Variants in GLI3 observed in about 807,000 individuals in gnomAD.
GLI3 encodes the protein GLI family zinc finger 3, also known as transcription activator GLI3.
Under a neutral mutation model 100.8 loss-of-function variants are expected in GLI3, and 20 were observed. That is an observed-to-expected ratio of 0.20 (90% CI 0.14 to 0.29). The LOEUF (loss-of-function observed/expected upper bound fraction) is 0.29. GLI3 is among the 10% of genes least tolerant of loss of function. GLI3 has a pLI of 1.00. For synonymous variants in GLI3, 938 were observed against 860.5 expected (o/e 1.09, Z -1.58); for missense variants, 2,040 against 2,128.5 (o/e 0.96, Z 0.82).
chr7:42,203,440 C>T (rs950557910), intron 2 of GLI3, among the ~76,000 whole-genome samples: 3 of 152,210 alleles, frequency 2.0e-5, no homozygotes, highest in Admixed American at 2.0e-4. Context: ...CTACTCTCTA[C>T]TTCAATTTTA....
In GLI3 at chr7:41,972,650, G is replaced by T. The variant is rs755069360; in HGVS notation, c.1813-23C>A. The T allele has an allele frequency of 1.3e-6, 2 of 1,595,858 alleles. No individual in the cohort carries two copies. Among genetic ancestry groups the T allele is most frequent in the Admixed American group, 1.7e-5 (1 of 59,950 alleles). On this transcript the variant is annotated intron_variant, in intron 12 of 14. Transcript: ENST00000395925. This position sits in a 1 kb window ranked among gnomAD's most constrained non-coding sequence, Gnocchi z 4.4. ...TTTCTGCCAAATCCCACAAGAACGA[G>T]GTAAGAGATTGTTATGAAAGAGACT... is the stretch of plus-strand genomic sequence containing the variant.
chr7:42,097,875 T>C (rs1403772951), intron 3 of GLI3, among the ~76,000 whole-genome samples: 2 of 152,096 alleles, frequency 1.3e-5, no homozygotes, highest in East Asian at 1.9e-4. Flanking sequence ...ATACCAGACA[T>C]ACCAGGGAGG....
chr7:42,113,591 C>T (rs1785771325), intron 3 of GLI3: 1 of 1,047,880 alleles, frequency 9.5e-7, no homozygotes, highest in South Asian at 1.2e-5. Flanking sequence ...AGACCAGGCC[C>T]AGAAAGCTGA....
At chr7:42,236,620 G>T (rs1486940361) in intron 1 of GLI3, among the ~76,000 whole-genome samples, 1 of 152,224 alleles carries the variant, frequency 6.6e-6, no homozygotes, top group Non-Finnish European at 1.5e-5. Context: ...AGCCAGGCGC[G>T]TGCGGGGCTC....
chr7:42,260,984 A>G (rs1398127180), intron 1 of GLI3, among the ~76,000 whole-genome samples: 4 of 152,214 alleles, frequency 2.6e-5, no homozygotes, highest in African/African-American at 9.6e-5. Flanking sequence ...TCTCTGTGTT[A>G]GTCCATTCTT....
chr7:42,131,740 A>C (rs1459272636), intron 3 of GLI3, among the ~76,000 whole-genome samples: 1 of 152,220 alleles, frequency 6.6e-6, no homozygotes, highest in Non-Finnish European at 1.5e-5. Context: ...TTTTGCTATG[A>C]AAAGCTGATG....
intron 3 of GLI3, among the ~76,000 whole-genome samples, chr7:42,092,147 C>G (rs1456002692): frequency 6.6e-6 from 1 of 152,200 alleles, no homozygotes; most frequent in Non-Finnish European, 1.5e-5. Flanking sequence ...CGGCCAAGGA[C>G]CCTGGAGGAT....
chr7:42,172,457 T>A lies in GLI3; in HGVS notation c.125-23989A>T, dbSNP rs540335669. The A allele has an allele frequency of 1.6e-5, 10 of 640,956 alleles. No individual in the cohort carries two copies. The South Asian group carries it at 1.7e-4, about 11-fold the overall frequency. 39.7% of individuals were successfully genotyped at this position (640,956 alleles called of 1,614,324 possible). On this transcript the variant is annotated intron_variant, in intron 2 of 14. Transcript: ENST00000395925. ...GATAGTAAGATGAAAAAGGATAAAC[T>A]TTTTTACACTAAAAAGTGTAAATGA...
chr7:42,066,047 G>A (rs1156623556), intron 4 of GLI3, among the ~76,000 whole-genome samples: 2 of 152,120 alleles, frequency 1.3e-5, no homozygotes, highest in African/African-American at 4.8e-5. Flanking sequence ...GGAATCAAAT[G>A]GACTGGAAGA....
At chr7:42,212,780 T>G (rs1341256702) in intron 2 of GLI3, among the ~76,000 whole-genome samples, 1 of 152,226 alleles carries the variant, frequency 6.6e-6, no homozygotes. Context: ...TGATCCTTGC[T>G]GGCACAGAGA....
intron 3 of GLI3, among the ~76,000 whole-genome samples, chr7:42,147,382 C>T (rs1054246718): frequency 6.6e-6 from 1 of 152,164 alleles, no homozygotes; most frequent in Admixed American, 6.5e-5. Context: ...CTCACTGGAG[C>T]TCAATGGATC....
rs570538248 is a variant in GLI3, at chr7:42,112,219, A to G, written c.368-35362T>C. On this transcript the variant is annotated intron_variant, in intron 3 of 14. Transcript: ENST00000395925. ...GCCTCACTGTGCATATCTGGGCCCC[A>G]GAAGACTGTGTCCACTGTTATTATA... is the stretch of plus-strand genomic sequence containing the variant. Among the ~76,000 whole-genome samples the G allele has an allele frequency of 5.9e-5, 9 of 152,328 alleles. No individual in the cohort carries two copies. In the South Asian group the frequency reaches 1.2e-3, roughly 21 times the overall value.
chr7:42,082,210 T>C (rs573655314), intron 3 of GLI3, among the ~76,000 whole-genome samples: 47 of 151,784 alleles, frequency 3.1e-4, no homozygotes, highest in Non-Finnish European at 6.5e-4. Context: ...TCTAGTGAGA[T>C]AGTAGAGAGG....
chr7:42,251,736 G>A (rs866240805), intron 1 of GLI3, among the ~76,000 whole-genome samples: 20 of 152,154 alleles, frequency 1.3e-4, no homozygotes, highest in Admixed American at 7.2e-4. Flanking sequence ...ATGGAACAGA[G>A]AGGTGAGGTT....
intron 5 of GLI3, among the ~76,000 whole-genome samples, chr7:42,046,820 C>A (rs866148582): frequency 6.6e-6 from 1 of 152,168 alleles, no homozygotes; most frequent in African/African-American, 2.4e-5. Flanking sequence ...AAAATAAAAT[C>A]TGAAGCAGAA....
intron 3 of GLI3, among the ~76,000 whole-genome samples, chr7:42,078,857 G>A (rs1486699270): frequency 6.7e-6 from 1 of 149,926 alleles, no homozygotes; most frequent in Non-Finnish European, 1.5e-5. Context: ...AGCCTCCCAA[G>A]TAGCTGGGAC....
intron 10 of GLI3, among the ~76,000 whole-genome samples, chr7:42,013,277 T>C (rs756171181): frequency 6.6e-5 from 10 of 152,170 alleles, no homozygotes; most frequent in Non-Finnish European, 1.3e-4. Context: ...TCTGTATTCG[T>C]CCAAAACAAT....
rs150429677 is a variant in GLI3 at position 42,050,490 on chromosome 7, C to T, written c.474-1794G>A. On this transcript the variant is annotated intron_variant, in intron 4 of 14. Transcript: ENST00000395925. ...TAGACGTGTCCGCCATTGGTTAAAT[C>T]TTACACCGTATTTAGATGTGTTTGC... Among the ~76,000 whole-genome samples the T allele has an allele frequency of 7.2e-3, 1,098 of 152,322 alleles. 17 individuals carry two copies. The highest frequency in any genetic ancestry group is 0.025 in the African/African-American group (1,049 of 41,554).
At chr7:42,144,522 T>C (rs1013913728) in intron 3 of GLI3, among the ~76,000 whole-genome samples, 1 of 152,026 alleles carries the variant, frequency 6.6e-6, no homozygotes, top group Non-Finnish European at 1.5e-5. Context: ...GTGCCCGCTG[T>C]CCCTGAGTTT....
Sources: gnomAD v4.1 joint callset for allele counts (sites outside exome capture counted in the v4.1 genomes callset) on GRCh38, gnomAD v4.1.1 for gene constraint, Gnocchi (gnomAD v3.1) non-coding constraint, MANE v1.5 for transcripts, NCBI Gene and HGNC (gene_info 2026-07-23, HGNC 2026-07-21) for gene names.